The following MBP variants were observed in gnomAD, a reference collection of about 807,000 sequenced individuals.
MBP encodes the protein myelin basic protein.
Under a neutral mutation model 35.8 loss-of-function variants are expected in MBP, and 16 were observed. The observed-to-expected ratio is 0.45, with a 90% CI of 0.30 to 0.68. The LOEUF (loss-of-function observed/expected upper bound fraction) is 0.68, where lower values mean the gene tolerates loss of function less well. MBP is among the 30% of genes least tolerant of loss of function. The probability of loss-of-function intolerance (pLI) is 0.08; values close to 1 mark genes in which losing one functional copy is unlikely to be tolerated. For synonymous variants in MBP, 143 were observed against 159.6 expected (o/e 0.90, Z 0.78); for missense variants, 380 against 404.7 (o/e 0.94, Z 0.52).
Position 76,980,474 on chromosome 18 carries a change from G to A in MBP, c.871-3C>T. 1 of 1,612,848 alleles carries A rather than the reference G, an allele frequency of 6.2e-7. No individual in the cohort carries two copies. Among genetic ancestry groups the A allele is most frequent in the Admixed American group, 1.7e-5 (1 of 60,020 alleles). ...CCAGAGCGACTATCTCTTCCTCCCT[G>A]AAAAGGAAGAGAGAGGAGTTAGGAC... On this transcript the variant is annotated splice_polypyrimidine_tract_variant and splice_region_variant and intron_variant, in intron 8 of 8. Transcript: ENST00000355994.
chr18:77,097,914 T>A (rs1667916), intron 2 of MBP, among the ~76,000 whole-genome samples: 119,061 of 151,344 alleles, frequency 0.79, 47,213 homozygotes, highest in East Asian at 0.87. Context: ...ATCTTTTTTT[T>A]AAAAAAATAC....
intron 4 of MBP, among the ~76,000 whole-genome samples, chr18:77,000,737 AT>A (rs1970585184): frequency 6.6e-6 from 1 of 151,856 alleles, no homozygotes; most frequent in Non-Finnish European, 1.5e-5. Context: ...TTGTTTTTTT[AT>A]TCCCCTGCTT....
At chr18:77,023,583 A>G (rs1308184148) in intron 3 of MBP, among the ~76,000 whole-genome samples, 1 of 152,074 alleles carries the variant, frequency 6.6e-6, no homozygotes, top group Non-Finnish European at 1.5e-5. Context: ...AAGGCTCCTA[A>G]CTCATGCGCC....
chr18:77,079,192 G>C (rs1396260954), intron 2 of MBP, among the ~76,000 whole-genome samples: 1 of 152,236 alleles, frequency 6.6e-6, no homozygotes, highest in African/African-American at 2.4e-5. Flanking sequence ...GCAGGCCTAG[G>C]ACTATTTCTC....
intron 2 of MBP, among the ~76,000 whole-genome samples, chr18:77,073,193 C>G (rs890295899): frequency 1.3e-5 from 2 of 152,054 alleles, no homozygotes; most frequent in African/African-American, 4.8e-5. Context: ...TATTTTTGCT[C>G]TCTTTAAATT....
At chr18:77,064,714 G>A (rs1475710854) in intron 3 of MBP, among the ~76,000 whole-genome samples, 2 of 152,170 alleles carry the variant, frequency 1.3e-5, no homozygotes, top group South Asian at 2.1e-4. Flanking sequence ...ATAAAGAAAG[G>A]CCTTTCCATA....
Position 76,988,964 on chromosome 18 carries a change from C to T in MBP, c.682-52G>A. On this transcript the variant is annotated intron_variant, in intron 5 of 8. Transcript: ENST00000355994. The surrounding 1 kb of genome is among the most constrained non-coding windows in gnomAD (Gnocchi z 5.2). ...TGCACTGGGAGCCCTGTGCCGCCGTCCATTTCCTAACGGGCTCCTGCCTGC... is the reference window on the plus strand; with the variant it reads ...TGCACTGGGAGCCCTGTGCCGCCGTTCATTTCCTAACGGGCTCCTGCCTGC... The T allele has an allele frequency of 5.7e-6, 9 of 1,588,464 alleles. No homozygotes were observed. The highest frequency in any genetic ancestry group is 7.8e-6 in the Non-Finnish European group (9 of 1,156,668).
chr18:77,104,488 G>T (rs11660885), intron 2 of MBP, among the ~76,000 whole-genome samples: 50 of 152,100 alleles, frequency 3.3e-4, no homozygotes, highest in African/African-American at 1.2e-3. Context: ...CTGTCCTTTC[G>T]CCAGACCTCT....
Position 76,988,397 on chromosome 18 carries a change from G to A in MBP, c.750+98C>T. On this transcript the variant is annotated intron_variant, in intron 7 of 8. Transcript: ENST00000355994. The surrounding 1 kb of genome is among the most constrained non-coding windows in gnomAD (Gnocchi z 5.2). ...GAGGTCTCGAGAGGAGAGAAAAGGA[G>A]GCCAGGAAGCAACCGAAACAGAGCA... The A allele has an allele frequency of 1.2e-6, 2 of 1,613,984 alleles. No homozygotes were observed. The highest frequency in any genetic ancestry group is 8.5e-7 in the Non-Finnish European group (1 of 1,179,892).
chr18:77,126,815 C>T (rs1230957482), intron 1 of MBP, among the ~76,000 whole-genome samples: 1 of 152,140 alleles, frequency 6.6e-6, no homozygotes, highest in African/African-American at 2.4e-5. Context: ...CACTTATGTA[C>T]ACTGTAAAGA....
At chr18:77,029,009 G>C (rs1341229567) in intron 3 of MBP, among the ~76,000 whole-genome samples, 4 of 110,050 alleles carry the variant, frequency 3.6e-5, no homozygotes, top group Admixed American at 9.6e-5. Context: ...CAGACGGGGT[G>C]GCGGCCGGGC....
intron 3 of MBP, among the ~76,000 whole-genome samples, chr18:77,033,300 A>C (rs1224316427): frequency 2.0e-5 from 3 of 152,024 alleles, no homozygotes; most frequent in Non-Finnish European, 4.4e-5. Context: ...TGGTTCTATC[A>C]TCTACTGTGT....
chr18:76,984,437 A>C, intron 8 of MBP: 1 of 283,324 alleles, frequency 3.5e-6, no homozygotes, highest in Non-Finnish European at 6.9e-6. Flanking sequence ...CTCCTGCTTT[A>C]GCTCCCTGAG....
chr18:77,004,792 TG>T (rs1222464381), intron 4 of MBP: 1 of 152,368 alleles, frequency 6.6e-6, no homozygotes, highest in Admixed American at 6.5e-5. Context: ...CTTTGCCCCA[TG>T]ACAGGAAGGA....
chr18:77,060,875 C>T (rs1330281624), intron 3 of MBP, among the ~76,000 whole-genome samples: 1 of 152,250 alleles, frequency 6.6e-6, no homozygotes, highest in Non-Finnish European at 1.5e-5. Context: ...GAGTTGATGG[C>T]AGAGCCAATG....
At chr18:77,069,354 A>T (rs1974336834) in intron 2 of MBP, among the ~76,000 whole-genome samples, 1 of 152,232 alleles carries the variant, frequency 6.6e-6, no homozygotes, top group South Asian at 2.1e-4. Context: ...AATTCATGTC[A>T]TATTTTTTTA....
chr18:77,105,206 C>A lies in MBP; in HGVS notation c.51+5G>T, dbSNP rs1976224798. 1.9e-6 allele frequency: 3 copies of A among 1,612,794 alleles called. No homozygotes were observed. Among genetic ancestry groups the A allele is most frequent in the Non-Finnish European group, 2.5e-6 (3 of 1,179,210 alleles). ...GCACATGTTTCGGATCAGCTCACGT[C>A]TTACCGTACTGGCCTTCTCGGCATT... On this transcript the variant is annotated splice_donor_5th_base_variant and intron_variant, in intron 2 of 8. Transcript: ENST00000355994.
intron 3 of MBP, among the ~76,000 whole-genome samples, chr18:77,055,119 C>T (rs377068282): frequency 8.5e-5 from 13 of 152,212 alleles, no homozygotes; most frequent in African/African-American, 2.2e-4. Flanking sequence ...GACAGAGGAA[C>T]GGCAGCGCCG....
chr18:77,086,181 A>C (rs1231931910), intron 2 of MBP, among the ~76,000 whole-genome samples: 5 of 152,252 alleles, frequency 3.3e-5, no homozygotes, highest in African/African-American at 1.2e-4. Flanking sequence ...AAGATGAATC[A>C]TCAGAACAGC....
Sources: gnomAD v4.1 joint callset for allele counts (sites outside exome capture counted in the v4.1 genomes callset) on GRCh38, gnomAD v4.1.1 for gene constraint, Gnocchi (gnomAD v3.1) non-coding constraint, MANE v1.5 for transcripts, NCBI Gene and HGNC (gene_info 2026-07-23, HGNC 2026-07-21) for gene names.